The following CROT variants were observed in gnomAD, a reference collection of about 807,000 sequenced individuals.
The protein encoded by CROT is peroxisomal carnitine O-octanoyltransferase.
A neutral mutation model predicts 89.2 loss-of-function variants in CROT; 84 were observed. The observed-to-expected ratio is 0.94, with a 90% confidence interval of 0.79 to 1.13. CROT has a LOEUF of 1.13. CROT is among the 50% of genes most tolerant of loss of function. CROT has a pLI of 0.00. For missense variants in CROT, 711 were observed against 727.8 expected (o/e 0.98, Z 0.27); for synonymous variants, 212 against 239.5 (o/e 0.89, Z 1.06).
intron 17 of CROT, among the ~76,000 whole-genome samples, chr7:87,395,881 T>C (rs1807507076): frequency 6.6e-6 from 1 of 152,030 alleles, no homozygotes; most frequent in South Asian, 2.1e-4. Context: ...ATAGAAAGGA[T>C]TGTCACCAAG....
intron 7 of CROT, 39 bp downstream of exon 7, chr7:87,369,523 G>T: frequency 7.3e-7 from 1 of 1,377,922 alleles, no homozygotes; most frequent in South Asian, 1.3e-5. Flanking sequence ...TAGGTCTTAT[G>T]GTGTTGCTTG....
intron 13 of CROT, among the ~76,000 whole-genome samples, chr7:87,383,709 C>G (rs1807098029): frequency 6.6e-6 from 1 of 152,038 alleles, no homozygotes; most frequent in Non-Finnish European, 1.5e-5. Context: ...GTTGGCCAGG[C>G]TGGTCTCTAA....
At chr7:87,352,381 T>C (rs1472030281) in intron 3 of CROT, among the ~76,000 whole-genome samples, 1 of 152,194 alleles carries the variant, frequency 6.6e-6, no homozygotes, top group Non-Finnish European at 1.5e-5. Context: ...AACAAAAGAC[T>C]TATGGCCAAT....
chr7:87,373,028 T>C (rs1806690806), intron 7 of CROT, among the ~76,000 whole-genome samples: 2 of 152,130 alleles, frequency 1.3e-5, no homozygotes, highest in African/African-American at 4.8e-5. Context: ...GGTAATTCTA[T>C]GTTTAACTAT....
At chr7:87,376,826 T>C (rs560018196) in intron 9 of CROT, among the ~76,000 whole-genome samples, 81 of 152,272 alleles carry the variant, frequency 5.3e-4, no homozygotes, top group African/African-American at 1.9e-3. Context: ...TAATTACTTT[T>C]ATTGTCTGTG....
At chr7:87,388,225 A>C (rs111362640) in intron 13 of CROT, among the ~76,000 whole-genome samples, 6,504 of 152,200 alleles carry the variant, frequency 0.043, 446 homozygotes, top group African/African-American at 0.15. Flanking sequence ...ATTCGATGCT[A>C]TCTCCATCAA....
Position 87,391,443 on chromosome 7 carries a change from A to G in CROT, c.1302-146A>G, listed in dbSNP as rs183519797. 5.3e-4 allele frequency: 365 copies of G among 692,892 alleles called. 1 individual carries two copies. The highest frequency in any genetic ancestry group is 9.4e-4 in the Admixed American group (24 of 25,486). The allele number at this position is 692,892 out of a possible 1,614,324, so 42.9% of individuals were successfully genotyped here. On this transcript the variant is annotated intron_variant, in intron 13 of 17. Coordinates refer to ENST00000331536, the MANE Select transcript of CROT (RefSeq NM_021151.4). ...TTTTTTGCTCTTTGGTATTGGAAATAGGCTCTTTTTTGTTGAAAGTCTCCA... is the reference window on the plus strand; with the variant it reads ...TTTTTTGCTCTTTGGTATTGGAAATGGGCTCTTTTTTGTTGAAAGTCTCCA...
chr7:87,384,807 C>T (rs924628954), intron 13 of CROT, among the ~76,000 whole-genome samples: 2 of 152,182 alleles, frequency 1.3e-5, no homozygotes, highest in Non-Finnish European at 2.9e-5. Context: ...TCTTACAGAG[C>T]ATCCTCAATG....
chr7:87,390,844 T>A (rs185210274), intron 13 of CROT, among the ~76,000 whole-genome samples: 229 of 152,360 alleles, frequency 1.5e-3, no homozygotes, highest in Non-Finnish European at 2.8e-3. Context: ...AAACACATAC[T>A]TTTTTATATC....
At chr7:87,394,462 A>G (rs1224302132) in intron 17 of CROT, among the ~76,000 whole-genome samples, 1 of 152,150 alleles carries the variant, frequency 6.6e-6, no homozygotes, top group Non-Finnish European at 1.5e-5. Flanking sequence ...ATTACAAGAA[A>G]GAGTTGATTT....
At chr7:87,396,645 C>T (rs1807534681) in intron 17 of CROT, among the ~76,000 whole-genome samples, 1 of 151,698 alleles carries the variant, frequency 6.6e-6, no homozygotes, top group Admixed American at 6.6e-5. Flanking sequence ...TCTCTTCTAC[C>T]CCAAGACTAG....
At chr7:87,361,262 C>CA (rs1806259272) in intron 4 of CROT, 128 bp from the exon 5 acceptor site, 2 of 989,062 alleles carry the variant, frequency 2.0e-6, no homozygotes, top group Non-Finnish European at 1.5e-6. Flanking sequence ...CTCACCCAGC[C>CA]AAAAAACATG....
chr7:87,374,154 C>A (rs1482661923), intron 7 of CROT, among the ~76,000 whole-genome samples: 1 of 151,920 alleles, frequency 6.6e-6, no homozygotes, highest in Non-Finnish European at 1.5e-5. Flanking sequence ...TAATACAAAT[C>A]TTTGTGCTTT....
chr7:87,361,832 T>C lies in CROT; in HGVS notation c.527T>C (p.Ile176Thr), dbSNP rs747809563. The change falls in exon 6 of 18, where the codon ATT becomes ACT. Residue 176 changes from isoleucine (I) to threonine (T), a missense_variant. Ile to Thr is a moderately conservative substitution (Grantham distance 89, BLOSUM62 -1). Coordinates refer to ENST00000331536, the MANE Select transcript of CROT (RefSeq NM_021151.4). ...CKVPGITRDS[I>T]MNYFRTESEG... ...GTTCCAGGAATTACTAGAGACTCCA[T>C]TATGAATTATTTTAGGACTGGTAAG... The C allele has an allele frequency of 1.3e-6, 2 of 1,592,116 alleles. No homozygotes were observed. The highest frequency in any genetic ancestry group is 1.2e-5 in the South Asian group (1 of 86,134).
chr7:87,386,352 G>C (rs1807182370), intron 13 of CROT, among the ~76,000 whole-genome samples: 1 of 152,018 alleles, frequency 6.6e-6, no homozygotes, highest in Non-Finnish European at 1.5e-5. Context: ...CTTGTTATTG[G>C]TCTGTTTGGG....
At chr7:87,380,884 A>G (rs1806973812) in intron 10 of CROT, among the ~76,000 whole-genome samples, 1 of 152,208 alleles carries the variant, frequency 6.6e-6, no homozygotes, top group South Asian at 2.1e-4. Flanking sequence ...CTGTTAGAAA[A>G]TGGGTTTGTC....
Position 87,399,043 on chromosome 7 carries a change from T to G in CROT, c.*399T>G, listed in dbSNP as rs1807655605. The G allele has an allele frequency of 5.7e-6, 1 of 176,028 alleles. No homozygotes were observed. The highest frequency in any genetic ancestry group is 5.8e-5 in the Admixed American group (1 of 17,322). The allele number at this position is 176,028 out of a possible 1,614,324, so 10.9% of individuals were successfully genotyped here. A position where few individuals can be genotyped will look rare whatever the true frequency, so the allele number is the denominator to read the frequency against. On this transcript the variant is annotated 3_prime_UTR_variant, in exon 18 of 18. Coordinates refer to ENST00000331536, the MANE Select transcript of CROT (RefSeq NM_021151.4). ...GAGTCCATCTTTCAAGCACTTTAAT[T>G]TTTTTAGCTGCCAAAGGGTATGAAT...
At chr7:87,395,687 A>G (rs1807501581) in intron 17 of CROT, among the ~76,000 whole-genome samples, 1 of 152,198 alleles carries the variant, frequency 6.6e-6, no homozygotes, top group African/African-American at 2.4e-5. Context: ...TTGTCACTGA[A>G]GTCAGGAAGT....
At chr7:87,380,395 G>GCCTATTTTATAAACCTGAAGTCAACTA (rs780945012) in intron 10 of CROT, among the ~76,000 whole-genome samples, 3 of 151,362 alleles carry the variant, frequency 2.0e-5, no homozygotes, top group Non-Finnish European at 4.4e-5. Flanking sequence ...TAGATCCTTG[G>GCCTATTTTATAAACCTGAAGTCAACTA]TAAGTACTGT....
Sources: allele counts gnomAD v4.1 joint callset (sites outside exome capture counted in the v4.1 genomes callset), GRCh38; gene constraint gnomAD v4.1.1; transcripts MANE v1.5; gene names NCBI Gene and HGNC (gene_info 2026-07-23, HGNC 2026-07-21).